Variants in CDC16 observed in about 807,000 individuals in gnomAD.
CDC16 encodes the protein cell division cycle protein 16 homolog.
CDC16 carries 34 observed loss-of-function variants against 87.0 expected under a neutral mutation model. That is an observed-to-expected ratio of 0.39 (90% CI 0.30 to 0.52). CDC16 has a LOEUF of 0.52. Ranked by LOEUF, CDC16 falls within the 20% of genes least tolerant of loss-of-function variation. The pLI, the probability that CDC16 is intolerant of heterozygous loss-of-function variation, is 0.74. For missense variants in CDC16, 653 were observed against 751.9 expected (o/e 0.87, Z 1.54); for synonymous variants, 263 against 260.6 (o/e 1.01, Z -0.09).
chr13:114,253,527 T>G (rs2082313937), intron 12 of CDC16, among the ~76,000 whole-genome samples: 1 of 151,844 alleles, frequency 6.6e-6, no homozygotes, highest in South Asian at 2.1e-4. Context: ...CCATCTCTAC[T>G]AAAAATACAA....
chr13:114,235,252 G>T, intron 1 of CDC16, 120 bp downstream of exon 1: 2 of 640,270 alleles, frequency 3.1e-6, no homozygotes, highest in Middle Eastern at 3.6e-4. Flanking sequence ...CCGGCCCTGG[G>T]CCTTCATCTG....
chr13:114,234,997 A>C lies in CDC16; in HGVS notation c.-88A>C. ...TGGGGCGGCGGCGGCGGCTGCAGGC[A>C]CGGGCACGGGCACGGGGCGGGGTGC... On this transcript the variant is annotated 5_prime_UTR_variant, in exon 1 of 18. Coordinates refer to ENST00000356221, the MANE Select transcript of CDC16 (RefSeq NM_001078645.3). 1.1e-6 allele frequency: 1 copy of C among 946,864 alleles called. No homozygotes were observed. The highest frequency in any genetic ancestry group is 4.5e-5 in the Admixed American group (1 of 22,076). The allele number at this position is 946,864 out of a possible 1,614,324, so 58.7% of individuals were successfully genotyped here.
chr13:114,257,848 G>A (rs1003816572), intron 13 of CDC16, among the ~76,000 whole-genome samples: 10 of 151,998 alleles, frequency 6.6e-5, no homozygotes, highest in African/African-American at 9.7e-5. Context: ...GTGCAGTGGC[G>A]CATTTTCAGC....
chr13:114,243,233 C>A, intron 6 of CDC16, 24 bp from the exon 7 acceptor site: 1 of 1,064,354 alleles, frequency 9.4e-7, no homozygotes, highest in Non-Finnish European at 1.5e-6. Context: ...TGAGGATATT[C>A]TTTTTTTTCT....
chr13:114,256,835 T>G (rs1566667900), intron 12 of CDC16, among the ~76,000 whole-genome samples: 1 of 152,172 alleles, frequency 6.6e-6, no homozygotes, highest in Admixed American at 6.5e-5. Flanking sequence ...TTTTGTTTTT[T>G]TACTGTGGAA....
intron 11 of CDC16, among the ~76,000 whole-genome samples, chr13:114,249,396 C>G (rs1223224521): frequency 1.3e-5 from 2 of 152,046 alleles, no homozygotes; most frequent in African/African-American, 4.8e-5. Flanking sequence ...CTGCCTGCCA[C>G]TCACCTCCTG....
chr13:114,238,514 A>G (rs959012101), intron 3 of CDC16, among the ~76,000 whole-genome samples: 10 of 150,890 alleles, frequency 6.6e-5, no homozygotes, highest in Non-Finnish European at 1.3e-4. Context: ...AGCTGCTGCG[A>G]TCTCCTCGGA....
chr13:114,265,112 GTTTTC>G (rs2083115977), intron 16 of CDC16, 33 bp from the exon 17 acceptor site: 1 of 1,386,580 alleles, frequency 7.2e-7, no homozygotes, highest in Non-Finnish European at 1.0e-6. Context: ...AAGGAAATAT[GTTTTC>G]TTTTAATAAC....
At chr13:114,261,637 T>C (rs761199402) in intron 14 of CDC16, among the ~76,000 whole-genome samples, 2 of 152,132 alleles carry the variant, frequency 1.3e-5, no homozygotes, top group Non-Finnish European at 2.9e-5. Flanking sequence ...GAGTTGCAGA[T>C]ACTCATTTGA....
chr13:114,256,748 A>G (rs1430044520), intron 12 of CDC16, among the ~76,000 whole-genome samples: 1 of 152,246 alleles, frequency 6.6e-6, no homozygotes, highest in South Asian at 2.1e-4. Context: ...GAGGAAGACC[A>G]GTGTCGGCTG....
At chr13:114,259,126 A>G (rs1346739112) in intron 13 of CDC16, among the ~76,000 whole-genome samples, 2 of 151,558 alleles carry the variant, frequency 1.3e-5, no homozygotes, top group East Asian at 3.9e-4. Flanking sequence ...GAATATAAAT[A>G]CTGTATCTCC....
At chr13:114,259,948 TTAACC>T (rs2082737768) in intron 14 of CDC16, among the ~76,000 whole-genome samples, 1 of 152,204 alleles carries the variant, frequency 6.6e-6, no homozygotes, top group African/African-American at 2.4e-5. Flanking sequence ...TGCTTATGAG[TTAACC>T]TAACAATTAT....
chr13:114,270,992 G>A (rs887873142), intron 17 of CDC16, among the ~76,000 whole-genome samples: 6 of 147,228 alleles, frequency 4.1e-5, no homozygotes, highest in Admixed American at 2.1e-4. Context: ...TGCAATCCTG[G>A]CTCACTGCAA....
chr13:114,240,332 CCCG>C, intron 5 of CDC16, among the ~76,000 whole-genome samples: 1 of 152,242 alleles, frequency 6.6e-6, no homozygotes, highest in African/African-American at 2.4e-5. Flanking sequence ...ACCTCAGCCT[CCCG>C]AGTAGCTGGG....
intron 15 of CDC16, among the ~76,000 whole-genome samples, chr13:114,262,572 GT>G (rs2082921634): frequency 6.6e-6 from 1 of 152,206 alleles, no homozygotes; most frequent in Non-Finnish European, 1.5e-5. Flanking sequence ...TAAGAGGGTG[GT>G]GTGTGGTAAG....
rs1257823999 is a variant in CDC16, at chr13:114,257,074, T to G, written c.1098-4T>G. On this transcript the variant is annotated splice_polypyrimidine_tract_variant and splice_region_variant and intron_variant, in intron 12 of 17. Coordinates refer to ENST00000356221, the MANE Select transcript of CDC16 (RefSeq NM_001078645.3). ...TGAATATGTGAAATTTTCCAATTTT[T>G]TAGGTGTCATTTGCCTATGCTGTAT... 30 of 1,523,432 alleles carry G rather than the reference T, an allele frequency of 2.0e-5. No homozygotes were observed. Among genetic ancestry groups the G allele is most frequent in the Non-Finnish European group, 2.6e-5 (29 of 1,124,336 alleles). 94.4% of individuals were successfully genotyped at this position (1,523,432 alleles called of 1,614,324 possible). A position where few individuals can be genotyped will look rare whatever the true frequency, so the allele number is the denominator to read the frequency against.
At chr13:114,243,820 T>C in intron 7 of CDC16, 36 bp from the exon 8 acceptor site, 8 of 1,563,964 alleles carry the variant, frequency 5.1e-6, no homozygotes, top group Non-Finnish European at 7.0e-6. Flanking sequence ...TTGTTTTTGC[T>C]CATTGAGTTT....
rs781695596 is a variant in CDC16, at chr13:114,272,190, A to G, written c.1610A>G (p.Asp537Gly). 6.6e-7 allele frequency: 1 copy of G among 1,504,706 alleles called. No individual in the cohort carries two copies. Among genetic ancestry groups the G allele is most frequent in the Non-Finnish European group, 9.1e-7 (1 of 1,104,070 alleles). 93.2% of individuals were successfully genotyped at this position (1,504,706 alleles called of 1,614,324 possible). A position where few individuals can be genotyped will look rare whatever the true frequency, so the allele number is the denominator to read the frequency against. ...TTATAGTATTTCTTTTTAGGAGCAG[A>G]CATTAAAGACAAATTAAAATGTTAT... The part of the protein sequence containing the change: ...IGDSEAYIGA[D>G]IKDKLKCYDF... The change falls in exon 18 of 18, where the codon GAC becomes GGC. Residue 537 changes from aspartate (D) to glycine (G), a missense_variant. Physicochemically the swap from Asp to Gly is moderately conservative, Grantham distance 94 (BLOSUM62 -1). Transcript: ENST00000356221.
chr13:114,234,990 T>TCGGCC lies in CDC16; in HGVS notation c.-95_-94insCGGCC. 1 of 1,031,220 alleles carries TCGGCC rather than the reference T, an allele frequency of 9.7e-7. No homozygotes were observed. The highest frequency in any genetic ancestry group is 1.7e-5 in the African/African-American group (1 of 58,712). 63.9% of individuals were successfully genotyped at this position (1,031,220 alleles called of 1,614,324 possible). Reference sequence around the variant, plus strand: ...CGAGTCCTGGGGCGGCGGCGGCGGCTGCAGGCACGGGCACGGGCACGGGGC... The same window carrying TCGGCC: ...CGAGTCCTGGGGCGGCGGCGGCGGCTCGGCCGCAGGCACGGGCACGGGCACGGGGC... On this transcript the variant is annotated 5_prime_UTR_variant, in exon 1 of 18. Coordinates refer to ENST00000356221, the MANE Select transcript of CDC16 (RefSeq NM_001078645.3).
Sources: allele counts gnomAD v4.1 joint callset (sites outside exome capture counted in the v4.1 genomes callset), GRCh38; gene constraint gnomAD v4.1.1; transcripts MANE v1.5; gene names NCBI Gene and HGNC (gene_info 2026-07-23, HGNC 2026-07-21).